Variants in VEZT observed in about 807,000 individuals in gnomAD.
VEZT encodes vezatin.
VEZT carries 39 observed loss-of-function variants against 79.9 expected under a neutral mutation model. That is an observed-to-expected ratio of 0.49 (90% CI 0.38 to 0.64). The LOEUF is 0.64. Among genes scored for constraint, VEZT ranks in the 30% least tolerant of loss-of-function variants. The pLI is 0.00. For synonymous variants in VEZT, 325 were observed against 327.6 expected (o/e 0.99, Z 0.09); for missense variants, 837 against 893.1 (o/e 0.94, Z 0.80).
intron 5 of VEZT, among the ~76,000 whole-genome samples, chr12:95,267,493 C>T (rs761842642): frequency 2.6e-5 from 4 of 152,028 alleles, no homozygotes; most frequent in African/African-American, 4.8e-5. Context: ...CTTAATTAGT[C>T]GTATCTAGAA....
rs375608114 is a variant in VEZT at position 95,291,733 on chromosome 12, C to G, written c.1523-2539C>G. 1.3e-4 allele frequency among the ~76,000 whole-genome samples: 20 copies of G among 152,298 alleles called. No homozygotes were observed. In the East Asian group the frequency reaches 1.3e-3, roughly 10 times the overall value. ...TAACCTTCTGTGCTGTTTGTAAAAG[C>G]TATTACTGCAAGCATGTAATTAAAA... On this transcript the variant is annotated intron_variant, in intron 9 of 11. Coordinates refer to ENST00000436874, the MANE Select transcript of VEZT (RefSeq NM_017599.4).
chr12:95,234,110 G>T (rs762314985), intron 1 of VEZT, among the ~76,000 whole-genome samples: 17 of 152,062 alleles, frequency 1.1e-4, no homozygotes, highest in Non-Finnish European at 2.1e-4. Flanking sequence ...CTTCAAAGGT[G>T]AAGTTTAACA....
At chr12:95,291,378 CT>C (rs1415863029) in intron 9 of VEZT, among the ~76,000 whole-genome samples, 1 of 152,200 alleles carries the variant, frequency 6.6e-6, no homozygotes. Flanking sequence ...AAATGCACCC[CT>C]GACTTTAAAT....
chr12:95,257,348 C>T lies in VEZT; in HGVS notation c.258+109C>T, dbSNP rs1015152262. ...CAATTTGGCCAGCAATTGATTTTTA[C>T]TAGAGATTCTGCAGTAACTCAGGAT... On this transcript the variant is annotated intron_variant, in intron 3 of 11. Coordinates refer to ENST00000436874, the MANE Select transcript of VEZT (RefSeq NM_017599.4). 4.9e-6 allele frequency: 4 copies of T among 812,486 alleles called. No individual in the cohort carries two copies. The Admixed American group carries it at 1.1e-4, about 22-fold the overall frequency. The allele number at this position is 812,486 out of a possible 1,614,324, so 50.3% of individuals were successfully genotyped here. A position where few individuals can be genotyped will look rare whatever the true frequency, so the allele number is the denominator to read the frequency against.
intron 1 of VEZT, 118 bp downstream of exon 1, chr12:95,218,004 G>A (rs2056944691): frequency 1.9e-6 from 2 of 1,076,574 alleles, no homozygotes; most frequent in Non-Finnish European, 2.6e-6. Flanking sequence ...AGCTGGCCTC[G>A]ACCACCGAAC....
intron 9 of VEZT, 85 bp downstream of exon 9, chr12:95,287,942 C>A: frequency 8.4e-7 from 1 of 1,193,852 alleles, no homozygotes; most frequent in Non-Finnish European, 1.1e-6. Flanking sequence ...GACTTCTTGT[C>A]TTTATGATGA....
rs1035600620 is a variant in VEZT at position 95,257,302 on chromosome 12, A to G, written c.258+63A>G. ...TAGGTTATTAGTGAAATAATTGGTG[A>G]ATCAGAATTTGTTTTGCTATCAATT... On this transcript the variant is annotated intron_variant, in intron 3 of 11. Coordinates refer to ENST00000436874, the MANE Select transcript of VEZT (RefSeq NM_017599.4). The G allele has an allele frequency of 5.4e-6, 7 of 1,300,064 alleles. No individual in the cohort carries two copies. The African/African-American group carries it at 9.0e-5, about 17-fold the overall frequency. 80.5% of individuals were successfully genotyped at this position (1,300,064 alleles called of 1,614,324 possible). A position where few individuals can be genotyped will look rare whatever the true frequency, so the allele number is the denominator to read the frequency against.
chr12:95,276,259 C>CTTTTTTTTTTTTTTT (rs35034660), intron 7 of VEZT, among the ~76,000 whole-genome samples: 28 of 75,160 alleles, frequency 3.7e-4, no homozygotes, highest in East Asian at 1.3e-3. Flanking sequence ...TAATTTTTTT[C>CTTTTTTTTTTTTTTT]TTTTTTTTTT....
chr12:95,249,559 C>CA (rs1253154128), intron 1 of VEZT, among the ~76,000 whole-genome samples: 2 of 152,110 alleles, frequency 1.3e-5, no homozygotes, highest in Non-Finnish European at 2.9e-5. Flanking sequence ...TTAAACATAG[C>CA]TTAAAAGAAA....
intron 4 of VEZT, 105 bp downstream of exon 4, chr12:95,263,186 A>C (rs2064859628): frequency 1.9e-6 from 2 of 1,039,062 alleles, no homozygotes; most frequent in South Asian, 5.7e-5. Context: ...CATTCCATAC[A>C]TTTAGCAGTA....
At chr12:95,299,026 C>G (rs1282214622) in intron 11 of VEZT, 3 of 154,712 alleles carry the variant, frequency 1.9e-5, no homozygotes, top group Non-Finnish European at 4.4e-5. Flanking sequence ...GCTGCTGATA[C>G]CATAGAATGC....
intron 1 of VEZT, among the ~76,000 whole-genome samples, chr12:95,225,711 A>G (rs970988945): frequency 9.2e-5 from 13 of 140,782 alleles, no homozygotes; most frequent in Middle Eastern, 3.7e-3. Context: ...GAGAATCCAT[A>G]TTGGAATACT....
intron 1 of VEZT, among the ~76,000 whole-genome samples, chr12:95,233,654 G>A (rs1184555659): frequency 2.0e-5 from 3 of 152,162 alleles, no homozygotes; most frequent in South Asian, 2.1e-4. Flanking sequence ...CCCCCACCTC[G>A]GCCTCCCAAA....
intron 5 of VEZT, among the ~76,000 whole-genome samples, chr12:95,266,935 A>T (rs967409724): frequency 2.6e-5 from 4 of 152,166 alleles, no homozygotes; most frequent in African/African-American, 9.7e-5. Flanking sequence ...CTGATACTGA[A>T]CCTAACGTGC....
chr12:95,257,323 C>G, intron 3 of VEZT, 84 bp downstream of exon 3: 1 of 1,082,442 alleles, frequency 9.2e-7, no homozygotes, highest in Non-Finnish European at 1.3e-6. Context: ...GTTTTGCTAT[C>G]AATTTGGCCA....
At chr12:95,268,879 G>A (rs2066059619) in intron 5 of VEZT, among the ~76,000 whole-genome samples, 1 of 152,202 alleles carries the variant, frequency 6.6e-6, no homozygotes, top group South Asian at 2.1e-4. Context: ...AGCACAAGCA[G>A]TAGTGCCATA....
At chr12:95,288,883 A>G (rs2071719932) in intron 9 of VEZT, among the ~76,000 whole-genome samples, 1 of 152,106 alleles carries the variant, frequency 6.6e-6, no homozygotes, top group East Asian at 1.9e-4. Context: ...TACATTTTCT[A>G]CAAATAGAAA....
intron 2 of VEZT, among the ~76,000 whole-genome samples, chr12:95,254,432 C>T (rs1457717126): frequency 2.0e-5 from 3 of 148,302 alleles, no homozygotes; most frequent in Non-Finnish European, 4.5e-5. Context: ...CTGCAACCTC[C>T]ATCTCCCAGG....
intron 2 of VEZT, 171 bp downstream of exon 2, chr12:95,252,242 A>G: frequency 1.7e-6 from 1 of 577,536 alleles, no homozygotes. Flanking sequence ...CTGCTTTGGA[A>G]TACTTTGTAG....
Sources: allele counts gnomAD v4.1 joint callset (sites outside exome capture counted in the v4.1 genomes callset), GRCh38; gene constraint gnomAD v4.1.1; transcripts MANE v1.5; gene names NCBI Gene and HGNC (gene_info 2026-07-23, HGNC 2026-07-21).